The following CNOT2 variants were observed in gnomAD, a reference collection of about 807,000 sequenced individuals.
CNOT2 encodes CC chemokine receptor 4-negative regulator of transcription 2.
In CNOT2, 7 loss-of-function variants were observed where a neutral mutation model predicts 72.1. That is an observed-to-expected ratio of 0.10 (90% CI 0.06 to 0.18). The LOEUF (loss-of-function observed/expected upper bound fraction) is 0.18, where lower values mean the gene tolerates loss of function less well. CNOT2 is among the 10% of genes least tolerant of loss of function. The probability of loss-of-function intolerance (pLI) is 1.00; values close to 1 mark genes in which losing one functional copy is unlikely to be tolerated. For missense variants in CNOT2, 345 were observed against 660.3 expected, an observed-to-expected ratio of 0.52 and a Z score of 5.23; for synonymous variants, 196 against 225.6, an observed-to-expected ratio of 0.87 and a Z score of 1.17.
At chr12:70,275,119 A>G (rs1339208593) in intron 1 of CNOT2, among the ~76,000 whole-genome samples, 1 of 152,066 alleles carries the variant, frequency 6.6e-6, no homozygotes, top group Non-Finnish European at 1.5e-5. Context: ...TTTTTGAAAG[A>G]TATTTTAGCT....
chr12:70,244,505 A>G (rs943986818), intron 1 of CNOT2, among the ~76,000 whole-genome samples: 1 of 152,192 alleles, frequency 6.6e-6, no homozygotes, highest in East Asian at 1.9e-4. Flanking sequence ...TTTAGACCTT[A>G]TATTTATTCC....
intron 1 of CNOT2, among the ~76,000 whole-genome samples, chr12:70,275,251 C>G (rs1181753391): frequency 6.6e-6 from 1 of 151,966 alleles, no homozygotes; most frequent in East Asian, 1.9e-4. Context: ...ACCTTTGTTA[C>G]TCTATGTATT....
intron 3 of CNOT2, among the ~76,000 whole-genome samples, chr12:70,317,339 A>G (rs1877504505): frequency 6.6e-6 from 1 of 151,964 alleles, no homozygotes; most frequent in Non-Finnish European, 1.5e-5. Flanking sequence ...TGTGCCATAA[A>G]CCTTTTACCT....
intron 9 of CNOT2, 68 bp from the exon 10 acceptor site, chr12:70,338,375 T>A: frequency 1.5e-6 from 2 of 1,308,772 alleles, no homozygotes; most frequent in Non-Finnish European, 2.1e-6. Flanking sequence ...TAGCAAGGTA[T>A]TAATATGTGA....
chr12:70,316,442 T>G (rs1418080142), intron 3 of CNOT2, among the ~76,000 whole-genome samples: 1 of 152,160 alleles, frequency 6.6e-6, no homozygotes, highest in Non-Finnish European at 1.5e-5. Context: ...CCGATTTGTT[T>G]GATGAAATAT....
In CNOT2 at chr12:70,335,499, C is replaced by G. The variant is rs373103481; in HGVS notation, c.711C>G (p.Asn237Lys). ...ATTTCCCAGCATTAGCAGACCGAAA[C>G]AGGAGGGAAGGAAGTGGTAACCCAA... is the stretch of plus-strand genomic sequence containing the variant. Reference protein sequence around the residue: ...LSDFPALADRNRREGSGNPTP... With the variant: ...LSDFPALADRKRREGSGNPTP... Residue 237 changes from asparagine to lysine, a missense_variant, in exon 8 of 16, where the codon AAC (asparagine) becomes AAG (lysine). Transcript: ENST00000229195. 6.2e-6 allele frequency: 10 copies of G among 1,606,056 alleles called. No individual in the cohort carries two copies. In the African/African-American group the frequency reaches 1.3e-4, roughly 22 times the overall value.
At chr12:70,306,065 T>G (rs188573903) in intron 2 of CNOT2, among the ~76,000 whole-genome samples, 2 of 152,254 alleles carry the variant, frequency 1.3e-5, no homozygotes, top group Admixed American at 1.3e-4. Flanking sequence ...GTCTTCCAGT[T>G]TAATTCTTTA....
chr12:70,298,845 T>C (rs1873291014), intron 2 of CNOT2, among the ~76,000 whole-genome samples: 1 of 152,082 alleles, frequency 6.6e-6, no homozygotes, highest in Non-Finnish European at 1.5e-5. Flanking sequence ...GCCTTATTGA[T>C]TTGGGAGTGC....
In CNOT2 at chr12:70,346,240, C is replaced by A; in HGVS notation, c.1452C>A (p.Gly484=). The change falls in exon 15 of 16, where the codon GGC becomes GGA. Residue 484 remains glycine, a synonymous_variant. Transcript: ENST00000229195. Reference sequence around the variant, plus strand: ...GAGTATGGATTACCAGGGCACCAGGCATGGAGCCAACAATGAAAACCAATA... The same window carrying A: ...GAGTATGGATTACCAGGGCACCAGGAATGGAGCCAACAATGAAAACCAATA... ...EERVWITRAP[G]MEPTMKTNTY... The A allele has an allele frequency of 6.2e-7, 1 of 1,608,974 alleles. No homozygotes were observed. The highest frequency in any genetic ancestry group is 8.5e-7 in the Non-Finnish European group (1 of 1,175,402).
chr12:70,297,411 G>A (rs866875282), intron 2 of CNOT2, among the ~76,000 whole-genome samples: 7 of 152,080 alleles, frequency 4.6e-5, no homozygotes, highest in East Asian at 1.9e-4. Flanking sequence ...TGATTTTATC[G>A]TGTGACACCT....
At chr12:70,243,146 C>T (rs953560761), upstream of CNOT2, 3 of 152,294 alleles carry the variant, frequency 2.0e-5, no homozygotes, top group African/African-American at 7.2e-5. Context: ...CCCAGGGAAA[C>T]GGTAGCGGCC....
chr12:70,283,019 A>T (rs1470843579), intron 2 of CNOT2, among the ~76,000 whole-genome samples: 1 of 152,218 alleles, frequency 6.6e-6, no homozygotes, highest in African/African-American at 2.4e-5. Context: ...ATGAATCACT[A>T]AGTATATTTC....
intron 1 of CNOT2, among the ~76,000 whole-genome samples, chr12:70,270,429 T>C (rs1959191089): frequency 6.6e-6 from 1 of 152,150 alleles, no homozygotes; most frequent in South Asian, 2.1e-4. Context: ...TAAAGTTCTT[T>C]ACATTAATAG....
chr12:70,311,360 A>T (rs1366112653), intron 3 of CNOT2, among the ~76,000 whole-genome samples: 1 of 152,030 alleles, frequency 6.6e-6, no homozygotes, highest in Non-Finnish European at 1.5e-5. Flanking sequence ...ACAAATGCAG[A>T]TATAGAACAG....
intron 1 of CNOT2, among the ~76,000 whole-genome samples, chr12:70,259,267 G>A (rs886961762): frequency 1.3e-5 from 2 of 152,020 alleles, no homozygotes; most frequent in South Asian, 2.1e-4. Flanking sequence ...AATTCAGACC[G>A]GGCTTAGTTT....
chr12:70,245,947 T>G (rs1428856861), intron 1 of CNOT2, among the ~76,000 whole-genome samples: 1 of 152,202 alleles, frequency 6.6e-6, no homozygotes, highest in Non-Finnish European at 1.5e-5. Context: ...TCTAACCCAG[T>G]TCTCATTTGT....
At chr12:70,353,310 C>T (rs925888010) in intron 15 of CNOT2, among the ~76,000 whole-genome samples, 2 of 151,890 alleles carry the variant, frequency 1.3e-5, no homozygotes, top group Non-Finnish European at 2.9e-5. Context: ...CTCCTGACCT[C>T]GTGATCTGCC....
intron 4 of CNOT2, 109 bp from the exon 5 acceptor site, chr12:70,329,314 C>T (rs1049699104): frequency 1.1e-5 from 7 of 666,348 alleles, no homozygotes; most frequent in Non-Finnish European, 1.5e-5. Flanking sequence ...TTAAAATTTG[C>T]GTACTATGTT....
At position 70,317,968 on chromosome 12, in the gene CNOT2, A is replaced by G. The variant is rs144393216; in HGVS notation, c.172-1330A>G. 7.6e-4 allele frequency among the ~76,000 whole-genome samples: 115 copies of G among 151,938 alleles called. 3 individuals carry two copies. The East Asian group carries it at 0.018, about 24-fold the overall frequency. ...GCATGATTTTTCATCCCTGGAAACC[A>G]CAGATCAGCCTCTGATAGTTCTCTC... On this transcript the variant is annotated intron_variant, in intron 3 of 15. Coordinates refer to ENST00000229195, the MANE Select transcript of CNOT2 (RefSeq NM_014515.7).
Sources: allele counts gnomAD v4.1 joint callset (sites outside exome capture counted in the v4.1 genomes callset), GRCh38; gene constraint gnomAD v4.1.1; transcripts MANE v1.5; gene names NCBI Gene and HGNC (gene_info 2026-07-23, HGNC 2026-07-21).